SEMA5A: variants seen among roughly 807,000 people sequenced by gnomAD.
SEMA5A encodes semaphorin-5A.
In SEMA5A, 55 loss-of-function variants were observed where a neutral mutation model predicts 135.5. That is an observed-to-expected ratio of 0.41 (90% CI 0.33 to 0.51). SEMA5A has a LOEUF of 0.51. Among genes scored for constraint, SEMA5A ranks in the 20% least tolerant of loss-of-function variants. The probability of loss-of-function intolerance (pLI) is 0.37; values close to 1 mark genes in which losing one functional copy is unlikely to be tolerated. For synonymous variants in SEMA5A, 580 were observed against 546.5 expected, an observed-to-expected ratio of 1.06 and a Z score of -0.85; for missense variants, 1,290 against 1,419.9, an observed-to-expected ratio of 0.91 and a Z score of 1.47.
At chr5:9,213,559 G>C (rs1419046006) in intron 8 of SEMA5A, among the ~76,000 whole-genome samples, 1 of 152,190 alleles carries the variant, frequency 6.6e-6, no homozygotes, top group Non-Finnish European at 1.5e-5. Context: ...TTGTCTGGGG[G>C]AAGAGCTTTC....
intron 16 of SEMA5A, among the ~76,000 whole-genome samples, chr5:9,105,884 T>C (rs1271286317): frequency 6.6e-6 from 1 of 152,252 alleles, no homozygotes; most frequent in Non-Finnish European, 1.5e-5. Context: ...AATGTTGCTT[T>C]AGCTAGGTAA....
intron 11 of SEMA5A, among the ~76,000 whole-genome samples, chr5:9,173,980 T>C (rs1744073135): frequency 6.6e-6 from 1 of 152,202 alleles, no homozygotes; most frequent in African/African-American, 2.4e-5. Context: ...AGAAACGTAG[T>C]GTTGGACTTC....
At chr5:9,099,627 G>A (rs1025671277) in intron 16 of SEMA5A, among the ~76,000 whole-genome samples, 6 of 152,182 alleles carry the variant, frequency 3.9e-5, no homozygotes, top group African/African-American at 1.4e-4. Flanking sequence ...ATTAAGGAGG[G>A]ACATGTCTTT....
At chr5:9,414,099 G>A (rs1173361433) in intron 2 of SEMA5A, among the ~76,000 whole-genome samples, 1 of 151,960 alleles carries the variant, frequency 6.6e-6, no homozygotes, top group Non-Finnish European at 1.5e-5. Context: ...CAACCCTTTT[G>A]TCTTGGTGAA....
chr5:9,253,282 GT>G (rs1403587958), intron 5 of SEMA5A, among the ~76,000 whole-genome samples: 2 of 152,042 alleles, frequency 1.3e-5, no homozygotes, highest in African/African-American at 4.8e-5. Flanking sequence ...GTTTTTCCAA[GT>G]ATGATAACTT....
intron 18 of SEMA5A, among the ~76,000 whole-genome samples, chr5:9,056,137 G>A (rs1317789805): frequency 6.6e-6 from 1 of 152,198 alleles, no homozygotes; most frequent in Non-Finnish European, 1.5e-5. Context: ...AGGGCCTGAT[G>A]TATAACCAAC....
chr5:9,256,164 C>T (rs1268794379), intron 5 of SEMA5A, among the ~76,000 whole-genome samples: 1 of 152,182 alleles, frequency 6.6e-6, no homozygotes, highest in Admixed American at 6.5e-5. Context: ...CTCTATGACT[C>T]ACCCAAAAGT....
intron 1 of SEMA5A, among the ~76,000 whole-genome samples, chr5:9,452,085 ATT>A (rs1157338452): frequency 8.5e-5 from 13 of 152,160 alleles, no homozygotes; most frequent in African/African-American, 3.1e-4. Context: ...TTTCCACCAG[ATT>A]TCTTCCATTT....
intron 3 of SEMA5A, among the ~76,000 whole-genome samples, chr5:9,365,890 C>A (rs541537876): frequency 1.3e-5 from 2 of 152,184 alleles, no homozygotes; most frequent in African/African-American, 2.4e-5. Flanking sequence ...CAAGAGCCAA[C>A]CCCGTGAGGA....
chr5:9,306,341 T>C (rs1206757360), intron 5 of SEMA5A, among the ~76,000 whole-genome samples: 1 of 152,224 alleles, frequency 6.6e-6, no homozygotes, highest in Non-Finnish European at 1.5e-5. Flanking sequence ...AATTCCTCTC[T>C]GTATTTCAGT....
chr5:9,503,867 G>A (rs1735719768), intron 1 of SEMA5A, among the ~76,000 whole-genome samples: 1 of 152,148 alleles, frequency 6.6e-6, no homozygotes, highest in African/African-American at 2.4e-5. Flanking sequence ...GCCTGGAACA[G>A]ACAAAGTGCT....
intron 15 of SEMA5A, among the ~76,000 whole-genome samples, chr5:9,117,440 T>G (rs910836264): frequency 1.3e-5 from 2 of 152,232 alleles, no homozygotes; most frequent in African/African-American, 2.4e-5. Context: ...GTTTCAGATT[T>G]TGGAATATTG....
chr5:9,263,295 C>T (rs1186688482), intron 5 of SEMA5A, among the ~76,000 whole-genome samples: 2 of 152,182 alleles, frequency 1.3e-5, no homozygotes, highest in African/African-American at 4.8e-5. Context: ...CTGTTAGGAA[C>T]CAGGCCGCAC....
chr5:9,523,964 G>A (rs1736978064), intron 1 of SEMA5A, among the ~76,000 whole-genome samples: 3 of 152,180 alleles, frequency 2.0e-5, no homozygotes, highest in African/African-American at 4.8e-5. Flanking sequence ...ATATGCTTTA[G>A]GTTCTGTGTC....
chr5:9,067,487 A>G (rs1257778751), intron 16 of SEMA5A, among the ~76,000 whole-genome samples: 3 of 152,218 alleles, frequency 2.0e-5, no homozygotes, highest in Admixed American at 6.5e-5. Flanking sequence ...GGAAACCCAT[A>G]CACATAATAC....
intron 2 of SEMA5A, among the ~76,000 whole-genome samples, chr5:9,399,032 G>A (rs1406698568): frequency 6.6e-6 from 1 of 152,208 alleles, no homozygotes. Flanking sequence ...ATGTAAGATA[G>A]TGCTAAGATA....
intron 16 of SEMA5A, among the ~76,000 whole-genome samples, chr5:9,088,637 A>AATATATATATATATATATATATATATAT (rs71611400): frequency 2.8e-4 from 30 of 107,610 alleles, no homozygotes; most frequent in Admixed American, 3.5e-4. Flanking sequence ...CTACATTTAT[A>AATATATATATATATATATATATATATAT]ATATATATAT....
intron 16 of SEMA5A, among the ~76,000 whole-genome samples, chr5:9,078,463 A>G (rs1738189078): frequency 6.6e-6 from 1 of 152,032 alleles, no homozygotes; most frequent in Admixed American, 6.6e-5. Context: ...TTTCAGCAGG[A>G]CTGTCATGAA....
intron 11 of SEMA5A, among the ~76,000 whole-genome samples, chr5:9,155,464 C>T (rs538930897): frequency 2.6e-4 from 39 of 152,172 alleles, no homozygotes; most frequent in African/African-American, 3.4e-4. Flanking sequence ...ACAGTTGAAA[C>T]GAACATTGCT....
Sources: gnomAD v4.1 joint callset for allele counts (sites outside exome capture counted in the v4.1 genomes callset) on GRCh38, gnomAD v4.1.1 for gene constraint, MANE v1.5 for transcripts, NCBI Gene and HGNC (gene_info 2026-07-23, HGNC 2026-07-21) for gene names.